The following RNF123 variants were observed in gnomAD, a reference collection of about 807,000 sequenced individuals.
RNF123 encodes E3 ubiquitin-protein ligase RNF123.
RNF123 carries 86 observed loss-of-function variants against 168.5 expected under a neutral mutation model. That is an observed-to-expected ratio of 0.51 (90% CI 0.43 to 0.61). The LOEUF (loss-of-function observed/expected upper bound fraction) is 0.61, where lower values mean the gene tolerates loss of function less well. Among genes scored for constraint, RNF123 ranks in the 20% least tolerant of loss-of-function variants. The probability of loss-of-function intolerance (pLI) is 0.00; values close to 1 mark genes in which losing one functional copy is unlikely to be tolerated. For synonymous variants in RNF123, 666 were observed against 689.1 expected (o/e 0.97, Z 0.52); for missense variants, 1,419 against 1,729.7 (o/e 0.82, Z 3.19).
chr3:49,695,902 G>A (rs539649123), intron 3 of RNF123, among the ~76,000 whole-genome samples: 2 of 152,306 alleles, frequency 1.3e-5, no homozygotes, highest in Admixed American at 6.5e-5. Context: ...GTGTTGAGAG[G>A]ATGAGGGGGC....
In RNF123 at chr3:49,718,363, T is replaced by C. The variant is rs765129698; in HGVS notation, c.3500+1886T>C. The C allele has an allele frequency of 6.8e-6, 11 of 1,613,254 alleles. No individual in the cohort carries two copies. In the East Asian group the frequency reaches 2.0e-4, roughly 29 times the overall value. Reference sequence around the variant, plus strand: ...TGGGCGCGGAAAGTGCACGCTCACGTTGTACTCGTGCGTCTGGTTGTGGTG... The same window carrying C: ...TGGGCGCGGAAAGTGCACGCTCACGCTGTACTCGTGCGTCTGGTTGTGGTG... On this transcript the variant is annotated intron_variant, in intron 35 of 38. Transcript: ENST00000327697.
At chr3:49,694,829 CAT>C (rs1271177182) in intron 3 of RNF123, among the ~76,000 whole-genome samples, 1 of 152,092 alleles carries the variant, frequency 6.6e-6, no homozygotes, top group Non-Finnish European at 1.5e-5. Context: ...ATCCCTACCT[CAT>C]GTGATACCAG....
At position 49,702,625 on chromosome 3, in the gene RNF123, G is replaced by A. The variant is rs775682841; in HGVS notation, c.1630-8G>A. 8 of 1,614,110 alleles carry A rather than the reference G, an allele frequency of 5.0e-6. No homozygotes were observed. Among genetic ancestry groups the A allele is most frequent in the South Asian group, 1.1e-5 (1 of 91,090 alleles). The stretch of plus-strand genomic sequence containing the variant: ...CACCAATGCATGTTTCATGCCTGGT[G>A]TCCACAGAACATGCCCATGCTCTGC... On this transcript the variant is annotated splice_polypyrimidine_tract_variant and splice_region_variant and intron_variant, in intron 19 of 38. Coordinates refer to ENST00000327697, the MANE Select transcript of RNF123 (RefSeq NM_022064.5).
chr3:49,718,368 C>G, intron 35 of RNF123: 1 of 1,613,404 alleles, frequency 6.2e-7, no homozygotes, highest in Non-Finnish European at 8.5e-7. Flanking sequence ...TCACGTTGTA[C>G]TCGTGCGTCT....
chr3:49,698,924 T>A, intron 9 of RNF123, 56 bp from the exon 10 acceptor site: 1 of 1,608,480 alleles, frequency 6.2e-7, no homozygotes, highest in Non-Finnish European at 8.5e-7. Flanking sequence ...TTTGATAGCC[T>A]GAGGGTGGGC....
Position 49,720,522 on chromosome 3 carries a change from C to G in RNF123, c.3512C>G (p.Ala1171Gly), listed in dbSNP as rs760588812. 1.9e-6 allele frequency: 3 copies of G among 1,594,200 alleles called. No individual in the cohort carries two copies. In the East Asian group the frequency reaches 6.7e-5, roughly 36 times the overall value. Residue 1171 changes from alanine to glycine, a missense_variant, in exon 36 of 39, where the codon GCC (alanine) becomes GGC (glycine). Physicochemically the swap from Ala to Gly is moderately conservative, Grantham distance 60. Coordinates refer to ENST00000327697, the MANE Select transcript of RNF123 (RefSeq NM_022064.5). ...CCTCCCCTACCTAGGAGAGAGCAAGCCACATCAGTGCTCCTGGCAGATCCC... is the reference window on the plus strand; with the variant it reads ...CCTCCCCTACCTAGGAGAGAGCAAGGCACATCAGTGCTCCTGGCAGATCCC... ...VRGPASEREQ[A>G]TSVLLADPCF...
chr3:49,718,845 C>T (rs889126639), intron 35 of RNF123: 6 of 1,613,314 alleles, frequency 3.7e-6, no homozygotes, highest in African/African-American at 2.7e-5. Flanking sequence ...TGAGGAAGGC[C>T]GGCAGCGCGG....
chr3:49,698,323 C>G (rs2054309049), intron 7 of RNF123, 117 bp from the exon 8 acceptor site: 6 of 988,094 alleles, frequency 6.1e-6, no homozygotes, highest in Non-Finnish European at 9.4e-6. Context: ...CTTACTCTTT[C>G]CCTCAGATCA....
chr3:49,698,481 C>T lies in RNF123; in HGVS notation c.525C>T (p.Gly175=). The T allele has an allele frequency of 3.1e-6, 5 of 1,613,960 alleles. No individual in the cohort carries two copies. Among genetic ancestry groups the T allele is most frequent in the Non-Finnish European group, 4.2e-6 (5 of 1,180,022 alleles). ...CACACAACTCCTATGCCTATGATGG[C>T]AACCGCGTGCGCAAGTGGAATGTGA... ...GDTHNSYAYD[G]NRVRKWNVTT... The change falls in exon 8 of 39, where the codon GGC becomes GGT. Residue 175 remains glycine, a synonymous_variant. Coordinates refer to ENST00000327697, the MANE Select transcript of RNF123 (RefSeq NM_022064.5).
chr3:49,705,795 G>A, intron 24 of RNF123, 116 bp downstream of exon 24: 1 of 1,519,388 alleles, frequency 6.6e-7, no homozygotes, highest in Non-Finnish European at 9.0e-7. Context: ...GTGCATGGGA[G>A]CACATGCCTC....
At chr3:49,700,749 G>T (rs1441420080) in intron 15 of RNF123, 40 bp downstream of exon 15, 3 of 1,607,508 alleles carry the variant, frequency 1.9e-6, no homozygotes, top group Non-Finnish European at 2.6e-6. Context: ...GACATGGGGT[G>T]CCCTCTGGAC....
In RNF123 at chr3:49,706,174, C is replaced by A. The variant is rs576202860; in HGVS notation, c.2388+109C>A. ...CTGGCAGTTCTCATCCCCACTCTAG[C>A]CCTGGCCATAGCACGCCAGTGAGAG... On this transcript the variant is annotated intron_variant, in intron 25 of 38. Transcript: ENST00000327697. The A allele has an allele frequency of 6.1e-6, 6 of 976,384 alleles. No homozygotes were observed. In the East Asian group the frequency reaches 1.0e-4, roughly 16 times the overall value. The allele number at this position is 976,384 out of a possible 1,614,324, so 60.5% of individuals were successfully genotyped here. A position where few individuals can be genotyped will look rare whatever the true frequency, so the allele number is the denominator to read the frequency against.
chr3:49,698,218 C>T (rs2054307064), intron 7 of RNF123, 81 bp downstream of exon 7: 1 of 1,309,560 alleles, frequency 7.6e-7, no homozygotes, highest in Non-Finnish European at 1.1e-6. Context: ...TCCAGATCCC[C>T]TCAGAACTGC....
chr3:49,712,225 A>G (rs1374647318), intron 26 of RNF123, among the ~76,000 whole-genome samples: 1 of 151,906 alleles, frequency 6.6e-6, no homozygotes, highest in East Asian at 1.9e-4. Context: ...CAAAAAAAAA[A>G]AAAACTTGCT....
intron 3 of RNF123, among the ~76,000 whole-genome samples, chr3:49,696,290 C>G (rs1303438017): frequency 6.6e-6 from 1 of 152,072 alleles, no homozygotes; most frequent in Non-Finnish European, 1.5e-5. Flanking sequence ...CACAGCATCT[C>G]TAACATAAGT....
intron 3 of RNF123, among the ~76,000 whole-genome samples, chr3:49,691,942 A>C (rs996503978): frequency 6.6e-6 from 1 of 152,248 alleles, no homozygotes; most frequent in Non-Finnish European, 1.5e-5. Context: ...TTACAAGTAC[A>C]TTTTAGCAGA....
Position 49,691,229 on chromosome 3 carries a change from G to A in RNF123, c.64G>A (p.Glu22Lys). 1 of 1,613,974 alleles carries A rather than the reference G, an allele frequency of 6.2e-7. No individual in the cohort carries two copies. The highest frequency in any genetic ancestry group is 8.5e-7 in the Non-Finnish European group (1 of 1,179,846). The stretch of plus-strand genomic sequence containing the variant: ...GAGCTATAGGCTGACCTCAGATGCT[G>A]AGAAATCCAGGGTCACAGGTAAGAG... ...RKSYRLTSDA[E>K]KSRVTGIVQE... The change falls in exon 2 of 39, where the codon GAG (glutamate) becomes AAG (lysine). Residue 22 changes from glutamate (E) to lysine (K), a missense_variant. Transcript: ENST00000327697.
intron 3 of RNF123, among the ~76,000 whole-genome samples, chr3:49,692,403 T>C (rs1462659593): frequency 1.3e-5 from 2 of 152,244 alleles, no homozygotes; most frequent in Non-Finnish European, 2.9e-5. Context: ...TGAGATACTT[T>C]GATACAGGCA....
chr3:49,699,842 G>A lies in RNF123; in HGVS notation c.984+70G>A. 2 of 1,491,248 alleles carry A rather than the reference G, an allele frequency of 1.3e-6. No individual in the cohort carries two copies. The highest frequency in any genetic ancestry group is 1.1e-5 in the South Asian group (1 of 87,616). The allele number at this position is 1,491,248 out of a possible 1,614,324, so 92.4% of individuals were successfully genotyped here. A position where few individuals can be genotyped will look rare whatever the true frequency, so the allele number is the denominator to read the frequency against. Reference sequence around the variant, plus strand: ...TGCTAGACACGCCCGTGGTAGATGTGCCCTCACTGAGGGCTGCAGTGCTGA... The same window carrying A: ...TGCTAGACACGCCCGTGGTAGATGTACCCTCACTGAGGGCTGCAGTGCTGA... On this transcript the variant is annotated intron_variant, in intron 12 of 38. Transcript: ENST00000327697. This position sits in a 1 kb window ranked among gnomAD's most constrained non-coding sequence, Gnocchi z 4.8.
Sources: gnomAD v4.1 joint callset for allele counts (sites outside exome capture counted in the v4.1 genomes callset) on GRCh38, gnomAD v4.1.1 for gene constraint, Gnocchi (gnomAD v3.1) non-coding constraint, MANE v1.5 for transcripts, NCBI Gene and HGNC (gene_info 2026-07-23, HGNC 2026-07-21) for gene names.